Variants in LRRFIP1 observed in about 807,000 individuals in gnomAD.
The protein encoded by LRRFIP1 is LRR binding FLII interacting protein 1.
LRRFIP1 carries 62 observed loss-of-function variants against 104.4 expected under a neutral mutation model. That is an observed-to-expected ratio of 0.59 (90% CI 0.48 to 0.73). LRRFIP1 has a LOEUF of 0.73. LRRFIP1 is among the 30% of genes least tolerant of loss of function. The pLI is 0.00. For missense variants in LRRFIP1, 796 were observed against 824.5 expected (o/e 0.97, Z 0.42); for synonymous variants, 300 against 299.0 (o/e 1.00, Z -0.03).
chr2:237,702,023 G>T (rs2093563465), intron 1 of LRRFIP1, among the ~76,000 whole-genome samples: 2 of 152,140 alleles, frequency 1.3e-5, no homozygotes, highest in South Asian at 4.1e-4. Context: ...CTCCCAGGGA[G>T]GTGCCCCCAT....
intron 17 of LRRFIP1, among the ~76,000 whole-genome samples, chr2:237,757,988 A>G (rs750655422): frequency 2.0e-5 from 3 of 151,914 alleles, no homozygotes; most frequent in Non-Finnish European, 4.4e-5. Context: ...GAAGGTCTCC[A>G]CATACCCTTC....
At chr2:237,628,965 T>A (rs1425646702) in intron 1 of LRRFIP1, among the ~76,000 whole-genome samples, 4 of 152,202 alleles carry the variant, frequency 2.6e-5, no homozygotes, top group Non-Finnish European at 5.9e-5. Flanking sequence ...CACTGTGACC[T>A]CCAGGAGACC....
chr2:237,739,375 T>C, intron 11 of LRRFIP1, 66 bp downstream of exon 11: 1 of 1,310,132 alleles, frequency 7.6e-7, no homozygotes. Context: ...CTTATCCTCC[T>C]CTTCCAACGT....
At chr2:237,628,853 ACT>A in intron 1 of LRRFIP1, among the ~76,000 whole-genome samples, 1 of 152,104 alleles carries the variant, frequency 6.6e-6, no homozygotes, top group Non-Finnish European at 1.5e-5. Flanking sequence ...TGTGGCAGTC[ACT>A]CAGTATTTGT....
In LRRFIP1 at chr2:237,633,786, G is replaced by A. The variant is rs541459144; in HGVS notation, c.96+6046G>A. ...GCCACCTATTAATTAGGGGCTGCCA[G>A]TTCATGGCCCAGGCTGCTTCCTGGA... On this transcript the variant is annotated intron_variant, in intron 1 of 23. Transcript: ENST00000308482. Among the ~76,000 whole-genome samples, 7 of 152,316 alleles carry A rather than the reference G, an allele frequency of 4.6e-5. No homozygotes were observed. In the South Asian group the frequency reaches 1.4e-3, roughly 32 times the overall value.
intron 10 of LRRFIP1, among the ~76,000 whole-genome samples, chr2:237,738,000 T>C (rs1304713937): frequency 6.6e-6 from 1 of 152,248 alleles, no homozygotes. Context: ...GTTGAAATCA[T>C]TCGTTCATTC....
intron 11 of LRRFIP1, among the ~76,000 whole-genome samples, chr2:237,742,055 G>T (rs1443226307): frequency 6.6e-6 from 1 of 152,220 alleles, no homozygotes; most frequent in African/African-American, 2.4e-5. Context: ...GTCACTTAGA[G>T]ATTGAAATGA....
At chr2:237,779,091 G>A (rs1001971879) in intron 23 of LRRFIP1, among the ~76,000 whole-genome samples, 10 of 152,114 alleles carry the variant, frequency 6.6e-5, no homozygotes, top group African/African-American at 2.2e-4. Flanking sequence ...GGGTGGTGGC[G>A]CACACCTGTA....
intron 1 of LRRFIP1, among the ~76,000 whole-genome samples, chr2:237,640,392 C>T (rs988140127): frequency 1.3e-5 from 2 of 152,046 alleles, no homozygotes; most frequent in East Asian, 3.9e-4. Flanking sequence ...AGTCCAAGAT[C>T]TAGGTGCCGG....
intron 1 of LRRFIP1, among the ~76,000 whole-genome samples, chr2:237,673,303 C>T (rs912513001): frequency 3.3e-5 from 5 of 152,214 alleles, no homozygotes; most frequent in African/African-American, 7.2e-5. Context: ...TGGGAGGGCC[C>T]GCAGGCAGCA....
chr2:237,744,183 C>T (rs1017071281), intron 11 of LRRFIP1, among the ~76,000 whole-genome samples: 2 of 152,150 alleles, frequency 1.3e-5, no homozygotes, highest in Non-Finnish European at 2.9e-5. Context: ...AACCAAAAAC[C>T]GTCACCCTAG....
intron 1 of LRRFIP1, among the ~76,000 whole-genome samples, chr2:237,658,965 C>G (rs765258148): frequency 7.9e-5 from 12 of 152,130 alleles, no homozygotes; most frequent in Non-Finnish European, 1.6e-4. Flanking sequence ...ACTAGCACAT[C>G]TCATGAACAG....
chr2:237,778,076 C>T (rs897458588), intron 23 of LRRFIP1, among the ~76,000 whole-genome samples: 1 of 152,174 alleles, frequency 6.6e-6, no homozygotes, highest in African/African-American at 2.4e-5. Context: ...ACAACTGAAA[C>T]ATGCTCAGTC....
intron 3 of LRRFIP1, 113 bp downstream of exon 3, chr2:237,714,389 CTGTT>C (rs1203472579): frequency 7.2e-6 from 6 of 830,124 alleles, no homozygotes; most frequent in Non-Finnish European, 1.2e-5. Context: ...GAAGTTCTTA[CTGTT>C]TATTTTACTA....
intron 1 of LRRFIP1, among the ~76,000 whole-genome samples, chr2:237,656,156 G>T (rs2086788643): frequency 6.6e-6 from 1 of 152,084 alleles, no homozygotes. Flanking sequence ...ATGTAAGGTG[G>T]CAATGCATAT....
At chr2:237,656,734 A>G (rs920255440) in intron 1 of LRRFIP1, among the ~76,000 whole-genome samples, 2 of 152,272 alleles carry the variant, frequency 1.3e-5, no homozygotes, top group African/African-American at 4.8e-5. Flanking sequence ...GAGGCAAAAA[A>G]TATAATCAGA....
intron 1 of LRRFIP1, among the ~76,000 whole-genome samples, chr2:237,690,718 C>G (rs965881457): frequency 3.6e-5 from 5 of 138,824 alleles, no homozygotes; most frequent in Non-Finnish European, 6.0e-5. Flanking sequence ...GCCTGGGCGA[C>G]AGAGCGAGAC....
At chr2:237,714,302 A>G (rs766870361) in intron 3 of LRRFIP1, 26 bp downstream of exon 3, 3 of 1,586,014 alleles carry the variant, frequency 1.9e-6, no homozygotes, top group African/African-American at 1.4e-5. Context: ...TTTATTTTCT[A>G]ACTTGCATGT....
intron 8 of LRRFIP1, chr2:237,729,792 A>G (rs1304829166): frequency 6.1e-6 from 6 of 985,300 alleles, no homozygotes; most frequent in Non-Finnish European, 7.2e-6. Context: ...TTCCAGCTAC[A>G]GCGGTGACAG....
Sources: allele counts gnomAD v4.1 joint callset (sites outside exome capture counted in the v4.1 genomes callset), GRCh38; gene constraint gnomAD v4.1.1; transcripts MANE v1.5; gene names NCBI Gene and HGNC (gene_info 2026-07-23, HGNC 2026-07-21).